AFF1: variants seen among roughly 807,000 people sequenced by gnomAD.
AFF1 encodes the protein AF4/FMR2 family member 1.
A neutral mutation model predicts 121.7 loss-of-function variants in AFF1; 48 were observed. That is an observed-to-expected ratio of 0.39 (90% CI 0.31 to 0.50). The LOEUF (loss-of-function observed/expected upper bound fraction) is 0.50, where lower values mean the gene tolerates loss of function less well. Ranked by LOEUF, AFF1 falls within the 20% of genes least tolerant of loss-of-function variation. The pLI, the probability that AFF1 is intolerant of heterozygous loss-of-function variation, is 0.76. For missense variants in AFF1, 1,523 were observed against 1,511.7 expected (o/e 1.01, Z -0.12); for synonymous variants, 613 against 563.0 (o/e 1.09, Z -1.26).
At chr4:87,022,592 A>ATATATATATCTC (rs1465084690) in intron 2 of AFF1, among the ~76,000 whole-genome samples, 1 of 99,846 alleles carries the variant, frequency 1.0e-5, no homozygotes, top group African/African-American at 4.7e-5. Flanking sequence ...ATCTATCTAT[A>ATATATATATCTC]TCTATCTGTG....
intron 4 of AFF1, among the ~76,000 whole-genome samples, chr4:87,063,439 G>A (rs534808927): frequency 1.3e-5 from 2 of 151,710 alleles, no homozygotes; most frequent in East Asian, 2.0e-4. Context: ...GGGTTTCTCC[G>A]TGTGGGTGAG....
At chr4:87,048,888 C>T (rs1169017071) in intron 4 of AFF1, among the ~76,000 whole-genome samples, 2 of 152,084 alleles carry the variant, frequency 1.3e-5, no homozygotes, top group East Asian at 3.9e-4. Context: ...AGATTTAATG[C>T]ACTGAGCCAT....
At chr4:86,974,953 C>T (rs192529364) in intron 2 of AFF1, among the ~76,000 whole-genome samples, 10 of 152,260 alleles carry the variant, frequency 6.6e-5, no homozygotes, top group Admixed American at 4.6e-4. Context: ...CTTCCATCCC[C>T]CTGTGTCCGT....
At chr4:87,006,966 G>C (rs1019341900) in intron 2 of AFF1, 7 of 1,042,510 alleles carry the variant, frequency 6.7e-6, no homozygotes, top group Non-Finnish European at 6.9e-6. Context: ...GGCGGACTCG[G>C]ACAACTTCAA....
intron 2 of AFF1, among the ~76,000 whole-genome samples, chr4:86,999,804 C>T (rs964012740): frequency 1.3e-5 from 2 of 151,352 alleles, no homozygotes; most frequent in Non-Finnish European, 2.9e-5. Flanking sequence ...TAAAGGAAGC[C>T]GACTTCTCTT....
chr4:87,009,610 T>G (rs1234018578), intron 2 of AFF1, among the ~76,000 whole-genome samples: 1 of 152,240 alleles, frequency 6.6e-6, no homozygotes, highest in Non-Finnish European at 1.5e-5. Context: ...TCTCACATTT[T>G]GTAAATGTGC....
intron 2 of AFF1, among the ~76,000 whole-genome samples, chr4:87,035,199 G>A (rs1003455543): frequency 1.3e-4 from 20 of 152,134 alleles, no homozygotes; most frequent in Admixed American, 1.3e-4. Context: ...AGGGTAGAAA[G>A]TGAGGCAGAA....
At chr4:87,089,612 A>G (rs1194730471) in intron 5 of AFF1, among the ~76,000 whole-genome samples, 1 of 152,236 alleles carries the variant, frequency 6.6e-6, no homozygotes, top group African/African-American at 2.4e-5. Flanking sequence ...GGGAGAAAGA[A>G]TGCATCGAGG....
At chr4:87,018,887 A>G (rs1173845682) in intron 2 of AFF1, among the ~76,000 whole-genome samples, 5 of 152,252 alleles carry the variant, frequency 3.3e-5, no homozygotes, top group Non-Finnish European at 7.3e-5. Context: ...TTTGGGAGCC[A>G]TCAAATAAGG....
chr4:87,047,093 A>G lies in AFF1; in HGVS notation c.558A>G (p.Arg186=). The G allele has an allele frequency of 6.2e-7, 1 of 1,614,212 alleles. No homozygotes were observed. The highest frequency in any genetic ancestry group is 1.7e-5 in the Admixed American group (1 of 60,030). The change falls in exon 4 of 21, where the codon CGA becomes CGG. Residue 186 remains arginine (R), a synonymous_variant. Transcript: ENST00000395146. The stretch of plus-strand genomic sequence containing the variant: ...CTAGTCATCACAAGAAAGGTGACCG[A>G]AGAGCTGACGGAGACCACTGTGCTT... The part of the protein sequence containing the change: ...FGSSHHKKGD[R]RADGDHCASV...
At position 87,012,217 on chromosome 4, in the gene AFF1, CTTGT is replaced by C. The variant is rs1305894936; in HGVS notation, c.39-33946_39-33943del. Among the ~76,000 whole-genome samples, 72 of 115,090 alleles carry C rather than the reference CTTGT, an allele frequency of 6.3e-4. 1 individual carries two copies. The highest frequency in any genetic ancestry group is 1.6e-3 in the African/African-American group (57 of 34,622). The allele number at this position is 115,090 out of a possible 152,430, so 75.5% of individuals were successfully genotyped here. A position where few individuals can be genotyped will look rare whatever the true frequency, so the allele number is the denominator to read the frequency against. ...GTTAGCAAACTTCTCCATTTCATTT[CTTGT>C]TTTTTTTTTTTTTTGTATAACTATA... On this transcript the variant is annotated intron_variant, in intron 2 of 20. Transcript: ENST00000395146.
intron 2 of AFF1, among the ~76,000 whole-genome samples, chr4:86,985,972 T>G (rs1386603853): frequency 6.6e-6 from 1 of 151,998 alleles, no homozygotes; most frequent in Non-Finnish European, 1.5e-5. Context: ...GGTGAGAAAC[T>G]TTGTAATGGG....
chr4:86,964,941 C>T (rs1202509348), intron 2 of AFF1, among the ~76,000 whole-genome samples: 1 of 152,168 alleles, frequency 6.6e-6, no homozygotes, highest in African/African-American at 2.4e-5. Flanking sequence ...AGCACTATCT[C>T]TGTGTTTTGC....
rs1188720807 is a variant in AFF1, at chr4:87,139,247, C to T, written c.*3546C>T. The T allele has an allele frequency of 8.6e-6, 2 of 232,740 alleles. No homozygotes were observed. The highest frequency in any genetic ancestry group is 1.7e-5 in the Non-Finnish European group (2 of 117,740). The allele number at this position is 232,740 out of a possible 1,614,324, so 14.4% of individuals were successfully genotyped here. A position where few individuals can be genotyped will look rare whatever the true frequency, so the allele number is the denominator to read the frequency against. On this transcript the variant is annotated 3_prime_UTR_variant, in exon 21 of 21. Transcript: ENST00000395146. ...ATGGCTTCAGGGATGCTACATGGCTCTTGCACCTTTTACTCCTCTGCTTTA... is the reference window on the plus strand; with the variant it reads ...ATGGCTTCAGGGATGCTACATGGCTTTTGCACCTTTTACTCCTCTGCTTTA...
intron 2 of AFF1, among the ~76,000 whole-genome samples, chr4:87,036,100 A>G (rs1362732310): frequency 2.0e-5 from 3 of 152,158 alleles, no homozygotes; most frequent in Admixed American, 6.5e-5. Context: ...AGCAGTGCCA[A>G]TGAGGCACTG....
intron 2 of AFF1, among the ~76,000 whole-genome samples, chr4:87,006,388 G>A (rs746601231): frequency 1.3e-5 from 2 of 152,130 alleles, no homozygotes; most frequent in Non-Finnish European, 2.9e-5. Flanking sequence ...GCTTCGTATA[G>A]GACTTACTAT....
chr4:87,014,887 C>G, intron 2 of AFF1, among the ~76,000 whole-genome samples: 1 of 152,152 alleles, frequency 6.6e-6, no homozygotes, highest in East Asian at 1.9e-4. Context: ...TTGTTTTGTA[C>G]AAAACTATGA....
intron 2 of AFF1, chr4:86,949,855 G>T: frequency 6.2e-7 from 1 of 1,614,076 alleles, no homozygotes; most frequent in Admixed American, 1.7e-5. Flanking sequence ...AGGTGTAGTT[G>T]GGGCAGGACA....
chr4:87,124,364 T>C lies in AFF1; in HGVS notation c.2467-673T>C, dbSNP rs369469517. ...TTTTTGAAAAATAAAAACATGTTTC[T>C]GTATATGGAGAGATATAAAGACAGT... On this transcript the variant is annotated intron_variant, in intron 12 of 20. Transcript: ENST00000395146. Among the ~76,000 whole-genome samples, 19 of 152,302 alleles carry C rather than the reference T, an allele frequency of 1.2e-4. No homozygotes were observed. The East Asian group carries it at 3.7e-3, about 29-fold the overall frequency.
Sources: gnomAD v4.1 joint callset for allele counts (sites outside exome capture counted in the v4.1 genomes callset) on GRCh38, gnomAD v4.1.1 for gene constraint, MANE v1.5 for transcripts, NCBI Gene and HGNC (gene_info 2026-07-23, HGNC 2026-07-21) for gene names.